The following SORCS1 variants were observed in gnomAD, a reference collection of about 807,000 sequenced individuals.
The protein encoded by SORCS1 is sortilin related VPS10 domain containing receptor 1.
A neutral mutation model predicts 146.1 loss-of-function variants in SORCS1; 60 were observed. The observed-to-expected ratio is 0.41, with a 90% confidence interval of 0.33 to 0.51. SORCS1 has a LOEUF of 0.51. SORCS1 is among the 20% of genes least tolerant of loss of function. The pLI, the probability that SORCS1 is intolerant of heterozygous loss-of-function variation, is 0.21. For missense variants in SORCS1, 1,352 were observed against 1,487.6 expected (o/e 0.91, Z 1.50); for synonymous variants, 637 against 584.0 (o/e 1.09, Z -1.31).
the SORCS1 span, among the ~76,000 whole-genome samples, chr10:107,177,432 A>G: frequency 2.0e-5 from 3 of 152,206 alleles, no homozygotes; most frequent in African/African-American, 7.2e-5. Flanking sequence ...AAGTCACAAT[A>G]TGGAACATTC....
chr10:106,796,550 ATGTAAAGG>A (rs1946563979), intron 3 of SORCS1, among the ~76,000 whole-genome samples: 1 of 152,214 alleles, frequency 6.6e-6, no homozygotes, highest in Non-Finnish European at 1.5e-5. Flanking sequence ...TTGAGCTAAA[ATGTAAAGG>A]TCATTTTCTG....
chr10:106,783,856 T>C (rs1728821379), intron 3 of SORCS1, among the ~76,000 whole-genome samples: 1 of 152,322 alleles, frequency 6.6e-6, no homozygotes, highest in Non-Finnish European at 1.5e-5. Flanking sequence ...ATCTCTGATG[T>C]AATGTTCTTA....
intron 24 of SORCS1, among the ~76,000 whole-genome samples, chr10:106,586,664 T>C (rs764657820): frequency 2.6e-5 from 4 of 152,222 alleles, no homozygotes; most frequent in Non-Finnish European, 5.9e-5. Flanking sequence ...AAAGAATTTA[T>C]TAGAAGCTAG....
intron 1 of SORCS1, among the ~76,000 whole-genome samples, chr10:107,065,354 G>A (rs533864689): frequency 1.3e-5 from 2 of 150,750 alleles, no homozygotes; most frequent in Admixed American, 1.3e-4. Flanking sequence ...AAAGAGCCAC[G>A]GTTAACACTG....
intron 2 of SORCS1, among the ~76,000 whole-genome samples, chr10:106,907,432 T>C (rs1173985537): frequency 6.6e-6 from 1 of 151,808 alleles, no homozygotes; most frequent in Non-Finnish European, 1.5e-5. Context: ...TGTCCATACA[T>C]ACAGAAAAAA....
At chr10:106,755,344 G>A (rs1228238334) in intron 5 of SORCS1, among the ~76,000 whole-genome samples, 1 of 152,176 alleles carries the variant, frequency 6.6e-6, no homozygotes, top group East Asian at 1.9e-4. Context: ...TATGTGTTAT[G>A]TTGGATAAAC....
Position 106,730,110 on chromosome 10 carries a change from C to T in SORCS1, c.964G>A (p.Val322Met). The change falls in exon 6 of 26, where the codon GTG becomes ATG. Residue 322 changes from valine (V) to methionine (M), a missense_variant. Val to Met is a conservative substitution (Grantham distance 21, BLOSUM62 1). Transcript: ENST00000263054. ...GVVPNRFYWS[V>M]MGSNKEPDLV... ...TCTGGTTCTTTATTTGACCCCATCACAGACCTAAAAAATGGAGAAACATGA... is the reference window on the plus strand; with the variant it reads ...TCTGGTTCTTTATTTGACCCCATCATAGACCTAAAAAATGGAGAAACATGA... The T allele has an allele frequency of 1.2e-6, 2 of 1,614,114 alleles. No individual in the cohort carries two copies. Among genetic ancestry groups the T allele is most frequent in the Middle Eastern group, 1.6e-4 (1 of 6,062 alleles).
At chr10:106,982,015 CCA>C (rs1291990634) in intron 1 of SORCS1, among the ~76,000 whole-genome samples, 1 of 152,142 alleles carries the variant, frequency 6.6e-6, no homozygotes, top group Non-Finnish European at 1.5e-5. Context: ...GTTCCAAGTT[CCA>C]GGTCACCAAG....
intron 3 of SORCS1, among the ~76,000 whole-genome samples, chr10:106,779,545 A>ATTTTTTTTTTTTTTTTTTTTTTTTT (rs1491495992): frequency 8.6e-6 from 1 of 116,732 alleles, no homozygotes. Context: ...ATTATGGCCC[A>ATTTTTTTTTTTTTTTTTTTTTTTTT]TATTTTTTTT....
intron 2 of SORCS1, among the ~76,000 whole-genome samples, chr10:106,907,656 G>A (rs1951967718): frequency 6.6e-6 from 1 of 152,122 alleles, no homozygotes; most frequent in Non-Finnish European, 1.5e-5. Context: ...GTTAGGTGCG[G>A]TGGCTCACAC....
chr10:106,980,719 AAATATGCTGGTGGTAGCTGTTTGT>A (rs1221676672), intron 1 of SORCS1, among the ~76,000 whole-genome samples: 3 of 152,236 alleles, frequency 2.0e-5, no homozygotes, highest in Non-Finnish European at 2.9e-5. Context: ...GCCTACAAGA[AAATATGCTGGTGGTAGCTGTTTGT>A]AATATGCTGA....
intron 1 of SORCS1, among the ~76,000 whole-genome samples, chr10:107,106,861 C>T (rs1965346197): frequency 6.6e-6 from 1 of 152,154 alleles, no homozygotes; most frequent in African/African-American, 2.4e-5. Context: ...AGAGATCTCT[C>T]TCATCCCTTC....
At chr10:107,176,525 C>T in the SORCS1 span, among the ~76,000 whole-genome samples, 142 of 151,820 alleles carry the variant, frequency 9.4e-4, no homozygotes, top group Non-Finnish European at 1.6e-3. Flanking sequence ...TTTGTAGAGA[C>T]GGGGCCCCAG....
chr10:106,576,921 G>A lies in SORCS1; in HGVS notation c.*499C>T, dbSNP rs1203933570. 4.6e-6 allele frequency: 1 copy of A among 218,470 alleles called. No individual in the cohort carries two copies. The highest frequency in any genetic ancestry group is 9.2e-6 in the Non-Finnish European group (1 of 108,622). 13.5% of individuals were successfully genotyped at this position (218,470 alleles called of 1,614,324 possible). On this transcript the variant is annotated 3_prime_UTR_variant, in exon 26 of 26. Transcript: ENST00000263054. ...CCAAAAATACATGCAGATTTCCTTG[G>A]CCTATATATGTTATGAATTTTCTAC...
chr10:106,776,403 A>C, intron 4 of SORCS1, 131 bp downstream of exon 4: 1 of 1,145,754 alleles, frequency 8.7e-7, no homozygotes, highest in South Asian at 1.5e-5. Context: ...CCCTTGTCCC[A>C]TTAGCACAGA....
chr10:106,814,654 C>T (rs1322960447), intron 3 of SORCS1, among the ~76,000 whole-genome samples: 2 of 152,116 alleles, frequency 1.3e-5, no homozygotes, highest in Non-Finnish European at 2.9e-5. Flanking sequence ...GTCGCTCACA[C>T]CTGTAATCCC....
In SORCS1 at chr10:106,896,960, G is replaced by A. The variant is rs568665704; in HGVS notation, c.626+59553C>T. Among the ~76,000 whole-genome samples the A allele has an allele frequency of 2.6e-3, 346 of 132,924 alleles. 1 individual carries two copies. Among genetic ancestry groups the A allele is most frequent in the African/African-American group, 9.3e-3 (319 of 34,234 alleles). The allele number at this position is 132,924 out of a possible 152,430, so 87.2% of individuals were successfully genotyped here. The stretch of plus-strand genomic sequence containing the variant: ...GGCTGGAGTGCAGTGGTGCAATCTC[G>A]GCTCACTGCAAGCTCCACCTCCCGG... On this transcript the variant is annotated intron_variant, in intron 2 of 25. Transcript: ENST00000263054.
At chr10:107,138,456 G>A (rs1477324639) in intron 1 of SORCS1, among the ~76,000 whole-genome samples, 1 of 152,040 alleles carries the variant, frequency 6.6e-6, no homozygotes, top group African/African-American at 2.4e-5. Context: ...TTCCTTGCTT[G>A]CTCCAACCCT....
intron 1 of SORCS1, among the ~76,000 whole-genome samples, chr10:106,988,591 G>A (rs1326603341): frequency 1.3e-5 from 2 of 151,988 alleles, no homozygotes; most frequent in Non-Finnish European, 2.9e-5. Context: ...TAAGGCTAAT[G>A]TGGGACAGCT....
Sources: allele counts gnomAD v4.1 joint callset (sites outside exome capture counted in the v4.1 genomes callset), GRCh38; gene constraint gnomAD v4.1.1; transcripts MANE v1.5; gene names NCBI Gene and HGNC (gene_info 2026-07-23, HGNC 2026-07-21).